The following DNM1L variants were observed in gnomAD, a reference collection of about 807,000 sequenced individuals.
DNM1L encodes the protein dynamin-1-like protein.
A neutral mutation model predicts 92.8 loss-of-function variants in DNM1L; 33 were observed. The ratio of observed to expected loss-of-function variants is 0.36; its 90% CI spans 0.27 to 0.48. The LOEUF is 0.48. Ranked by LOEUF, DNM1L falls within the 20% of genes least tolerant of loss-of-function variation. DNM1L has a pLI of 0.99. For synonymous variants in DNM1L, 284 were observed against 305.0 expected, an observed-to-expected ratio of 0.93 and a Z score of 0.72; for missense variants, 485 against 888.8, an observed-to-expected ratio of 0.55 and a Z score of 5.78.
chr12:32,710,185 C>T (rs751667759), intron 4 of DNM1L, among the ~76,000 whole-genome samples: 2 of 152,186 alleles, frequency 1.3e-5, no homozygotes, highest in African/African-American at 4.8e-5. Flanking sequence ...TTACCTCTCA[C>T]TATCCAAATT....
intron 1 of DNM1L, among the ~76,000 whole-genome samples, chr12:32,686,847 G>T (rs756321764): frequency 4.0e-5 from 6 of 151,810 alleles, no homozygotes; most frequent in Non-Finnish European, 8.8e-5. Context: ...GTTTTGTTTT[G>T]CATTTCCCTA....
intron 1 of DNM1L, among the ~76,000 whole-genome samples, chr12:32,693,660 C>G (rs372992153): frequency 1.2e-4 from 18 of 152,170 alleles, no homozygotes; most frequent in East Asian, 1.2e-3. Flanking sequence ...CTTTTTAAGA[C>G]AGGGTCTCAC....
At chr12:32,723,103 C>A (rs956790093) in intron 9 of DNM1L, among the ~76,000 whole-genome samples, 1 of 150,532 alleles carries the variant, frequency 6.6e-6, no homozygotes, top group Admixed American at 6.6e-5. Flanking sequence ...CTCAGGAGTT[C>A]AAGTCCAGCC....
At chr12:32,718,267 G>A (rs943723276) in intron 6 of DNM1L, among the ~76,000 whole-genome samples, 1 of 150,556 alleles carries the variant, frequency 6.6e-6, no homozygotes, top group African/African-American at 2.4e-5. Context: ...TCAGCCTCCC[G>A]AGCAGCTGGG....
At position 32,745,097 on chromosome 12, in the gene DNM1L, T is replaced by C; in HGVS notation, c.*1687T>C. On this transcript the variant is annotated 3_prime_UTR_variant, in exon 20 of 20. Coordinates refer to ENST00000549701, the MANE Select transcript of DNM1L (RefSeq NM_012062.5). Reference sequence around the variant, plus strand: ...CATAAAAACCCCCACATCAGTCTGATACGATATGGTACTACTTTGAATCTG... The same window carrying C: ...CATAAAAACCCCCACATCAGTCTGACACGATATGGTACTACTTTGAATCTG... 2.2e-6 allele frequency: 1 copy of C among 461,368 alleles called. No individual in the cohort carries two copies. The highest frequency in any genetic ancestry group is 4.2e-6 in the Non-Finnish European group (1 of 238,032). The allele number at this position is 461,368 out of a possible 1,614,324, so 28.6% of individuals were successfully genotyped here. A position where few individuals can be genotyped will look rare whatever the true frequency, so the allele number is the denominator to read the frequency against.
intron 2 of DNM1L, among the ~76,000 whole-genome samples, chr12:32,702,914 A>C (rs1952769775): frequency 1.3e-5 from 2 of 152,158 alleles, no homozygotes; most frequent in Non-Finnish European, 2.9e-5. Context: ...GAATTTAATC[A>C]TGTTGGATTA....
chr12:32,700,816 A>G (rs1046540420), intron 1 of DNM1L, among the ~76,000 whole-genome samples: 1 of 152,244 alleles, frequency 6.6e-6, no homozygotes, highest in East Asian at 1.9e-4. Context: ...AAACAACTAC[A>G]TATTATAGGC....
intron 6 of DNM1L, 113 bp downstream of exon 6, chr12:32,713,484 A>G (rs1953219559): frequency 1.7e-6 from 2 of 1,157,564 alleles, no homozygotes; most frequent in African/African-American, 3.1e-5. Context: ...TACAAATTTA[A>G]AAGATAATGC....
In DNM1L at chr12:32,744,725, A is replaced by G. The variant is rs1955533143; in HGVS notation, c.*1315A>G. The G allele has an allele frequency of 2.7e-6, 1 of 365,714 alleles. No individual in the cohort carries two copies. Among genetic ancestry groups the G allele is most frequent in the Admixed American group, 4.0e-5 (1 of 24,704 alleles). 22.7% of individuals were successfully genotyped at this position (365,714 alleles called of 1,614,324 possible). Reference sequence around the variant, plus strand: ...CGAAACTCCGTCTCAAAAAAAAAAAATAAAACAACACCCAGATAGATACAC... The same window carrying G: ...CGAAACTCCGTCTCAAAAAAAAAAAGTAAAACAACACCCAGATAGATACAC... On this transcript the variant is annotated 3_prime_UTR_variant, in exon 20 of 20. Coordinates refer to ENST00000549701, the MANE Select transcript of DNM1L (RefSeq NM_012062.5).
intron 13 of DNM1L, among the ~76,000 whole-genome samples, chr12:32,735,952 A>G (rs923716221): frequency 6.6e-6 from 1 of 152,068 alleles, no homozygotes; most frequent in Non-Finnish European, 1.5e-5. Flanking sequence ...TTCATGAAAT[A>G]CTTCCTACTT....
At position 32,745,287 on chromosome 12, in the gene DNM1L, AAAAAAC is replaced by A. The variant is rs763419498; in HGVS notation, c.*1890_*1895del. Reference sequence around the variant, plus strand: ...TAGTCCTTTGAATTTGTAAGGGGAAAAAAAACAAAAACAAAAACTTACGATGCACTT... The same window carrying A: ...TAGTCCTTTGAATTTGTAAGGGGAAAAAAAACAAAAACTTACGATGCACTT... On this transcript the variant is annotated 3_prime_UTR_variant, in exon 20 of 20. Transcript: ENST00000549701. 5 of 223,750 alleles carry A rather than the reference AAAAAAC, an allele frequency of 2.2e-5. No homozygotes were observed. Among genetic ancestry groups the A allele is most frequent in the Non-Finnish European group, 4.4e-5 (5 of 113,812 alleles). 13.9% of individuals were successfully genotyped at this position (223,750 alleles called of 1,614,324 possible).
intron 1 of DNM1L, among the ~76,000 whole-genome samples, chr12:32,697,265 G>A (rs1463404515): frequency 6.6e-6 from 1 of 152,080 alleles, no homozygotes; most frequent in Admixed American, 6.6e-5. Context: ...CAATATGCTA[G>A]AATTTGAAGA....
intron 9 of DNM1L, chr12:32,728,698 A>G (rs186372399): frequency 2.6e-5 from 4 of 152,380 alleles, no homozygotes; most frequent in Non-Finnish European, 4.4e-5. Context: ...AACAGCAAAG[A>G]ATAATGCAAG....
chr12:32,716,742 G>A (rs1008436885), intron 6 of DNM1L, among the ~76,000 whole-genome samples: 14 of 139,188 alleles, frequency 1.0e-4, no homozygotes, highest in Non-Finnish European at 1.5e-4. Flanking sequence ...ACTATATATA[G>A]TATATATATA....
At chr12:32,712,086 G>A (rs1458555572) in intron 5 of DNM1L, among the ~76,000 whole-genome samples, 2 of 152,030 alleles carry the variant, frequency 1.3e-5, no homozygotes, top group African/African-American at 4.8e-5. Flanking sequence ...ATGCTACCTG[G>A]ATTACTGCAC....
At chr12:32,709,102 G>A (rs1374046672) in intron 4 of DNM1L, among the ~76,000 whole-genome samples, 1 of 152,212 alleles carries the variant, frequency 6.6e-6, no homozygotes, top group Non-Finnish European at 1.5e-5. Flanking sequence ...TGACTGTTCA[G>A]GATATTTGTT....
rs142200141 is a variant in DNM1L, at chr12:32,693,838, A to G, written c.103-7577A>G. On this transcript the variant is annotated intron_variant, in intron 1 of 19. Transcript: ENST00000549701. ...TTTTTTGTAAAGATGAGGTTTCACCATGTTGCCCAGGATGGTCTTGAACTC... is the reference window on the plus strand; with the variant it reads ...TTTTTTGTAAAGATGAGGTTTCACCGTGTTGCCCAGGATGGTCTTGAACTC... Among the ~76,000 whole-genome samples, 1,283 of 152,214 alleles carry G rather than the reference A, an allele frequency of 8.4e-3. 15 individuals carry two copies. The highest frequency in any genetic ancestry group is 0.03 in the African/African-American group (1,229 of 41,524).
chr12:32,737,186 T>C lies in DNM1L; in HGVS notation c.1596+25T>C, dbSNP rs764084611. Reference sequence around the variant, plus strand: ...GGTAAAAAAATGTTTTTAATGCATATTCCCAATACCTAAAGATAGATTGAT... The same window carrying C: ...GGTAAAAAAATGTTTTTAATGCATACTCCCAATACCTAAAGATAGATTGAT... On this transcript the variant is annotated intron_variant, in intron 14 of 19. Transcript: ENST00000549701. The C allele has an allele frequency of 8.1e-6, 13 of 1,610,366 alleles. No individual in the cohort carries two copies. The African/African-American group carries it at 1.6e-4, about 20-fold the overall frequency.
At chr12:32,733,023 C>T (rs1954655688) in intron 12 of DNM1L, among the ~76,000 whole-genome samples, 1 of 152,176 alleles carries the variant, frequency 6.6e-6, no homozygotes, top group Non-Finnish European at 1.5e-5. Context: ...TCACTTGAAC[C>T]TGGGAGGTGG....
Sources: allele counts gnomAD v4.1 joint callset (sites outside exome capture counted in the v4.1 genomes callset), GRCh38; gene constraint gnomAD v4.1.1; transcripts MANE v1.5; gene names NCBI Gene and HGNC (gene_info 2026-07-23, HGNC 2026-07-21).